The following GALC variants were observed in gnomAD, a reference collection of about 807,000 sequenced individuals.
GALC encodes the protein galactosylceramidase.
In GALC, 77 loss-of-function variants were observed where a neutral mutation model predicts 91.8. The observed-to-expected ratio is 0.84, with a 90% confidence interval of 0.70 to 1.01. The LOEUF (loss-of-function observed/expected upper bound fraction) is 1.01, where lower values mean the gene tolerates loss of function less well. Among genes scored for constraint, GALC ranks in the 50% least tolerant of loss-of-function variants. GALC has a pLI of 0.00. For synonymous variants in GALC, 357 were observed against 306.7 expected (o/e 1.16, Z -1.71); for missense variants, 882 against 855.9 (o/e 1.03, Z -0.38).
intron 1 of GALC, among the ~76,000 whole-genome samples, chr14:87,990,486 C>T (rs1199047972): frequency 6.6e-6 from 1 of 152,164 alleles, no homozygotes. Flanking sequence ...GTTATATACA[C>T]AAATTTTTTA....
intron 10 of GALC, 98 bp downstream of exon 10, chr14:87,963,286 T>G: frequency 7.8e-7 from 1 of 1,285,240 alleles, no homozygotes. Flanking sequence ...GTCTGTATGC[T>G]TATGTATTTA....
At chr14:87,967,291 G>A (rs1009892432) in intron 8 of GALC, among the ~76,000 whole-genome samples, 2 of 152,120 alleles carry the variant, frequency 1.3e-5, no homozygotes, top group African/African-American at 4.8e-5. Flanking sequence ...AAATGTTTAG[G>A]ATGGTTAGCT....
chr14:87,986,597 T>C lies in GALC; in HGVS notation c.334A>G (p.Thr112Ala), dbSNP rs147313927. 6,082 of 1,608,454 alleles carry C rather than the reference T, an allele frequency of 3.8e-3. 23 individuals carry two copies. The highest frequency in any genetic ancestry group is 4.6e-3 in the Non-Finnish European group (5,457 of 1,174,944). ...GCATAATGCATGTGGGAGGGCTCAGTGCCGTCTGAATAGAGGAGAGCAAAA... is the reference window on the plus strand; with the variant it reads ...GCATAATGCATGTGGGAGGGCTCAGCGCCGTCTGAATAGAGGAGAGCAAAA... Reference protein sequence around the residue: ...IGGDGQTTDGTEPSHMHYALD... With the variant: ...IGGDGQTTDGAEPSHMHYALD... Residue 112 changes from threonine (T) to alanine (A), a missense_variant, in exon 4 of 17, where the codon ACT (threonine) becomes GCT (alanine). Thr to Ala is a moderately conservative substitution (Grantham distance 58, BLOSUM62 0). Coordinates refer to ENST00000261304, the MANE Select transcript of GALC (RefSeq NM_000153.4).
intron 8 of GALC, among the ~76,000 whole-genome samples, chr14:87,967,677 A>ATT (rs1886112197): frequency 6.6e-6 from 1 of 152,196 alleles, no homozygotes; most frequent in African/African-American, 2.4e-5. Flanking sequence ...ACACATATCA[A>ATT]GTGATGCCAT....
At chr14:87,950,584 A>T in intron 11 of GALC, 75 bp downstream of exon 11, 1 of 916,448 alleles carries the variant, frequency 1.1e-6, no homozygotes, top group Non-Finnish European at 1.8e-6. Flanking sequence ...GGCTTCACTT[A>T]AGAACTACTG....
chr14:87,949,379 G>C (rs1303374365), intron 12 of GALC, among the ~76,000 whole-genome samples: 1 of 151,892 alleles, frequency 6.6e-6, no homozygotes, highest in Non-Finnish European at 1.5e-5. Context: ...TAATCACTGA[G>C]GTCCTCTGAG....
intron 8 of GALC, among the ~76,000 whole-genome samples, chr14:87,966,539 CTTCTAA>C (rs1279251610): frequency 6.6e-6 from 1 of 152,144 alleles, no homozygotes; most frequent in Admixed American, 6.6e-5. Context: ...AAATCAAAGC[CTTCTAA>C]TTCTATCAGT....
intron 2 of GALC, 68 bp downstream of exon 2, chr14:87,988,387 T>G: frequency 7.8e-7 from 1 of 1,284,260 alleles, no homozygotes; most frequent in Non-Finnish European, 1.1e-6. Flanking sequence ...TAATAAATTC[T>G]ATGGTGAAAT....
At chr14:87,936,932 A>G (rs1022678348) in intron 16 of GALC, among the ~76,000 whole-genome samples, 14 of 139,402 alleles carry the variant, frequency 1.0e-4, no homozygotes, top group African/African-American at 3.9e-4. Flanking sequence ...TTTCTCATTG[A>G]ATCTTCATAA....
chr14:87,948,399 C>A (rs1885162836), intron 12 of GALC, among the ~76,000 whole-genome samples: 1 of 151,992 alleles, frequency 6.6e-6, no homozygotes, highest in Non-Finnish European at 1.5e-5. Flanking sequence ...ATCTTGGCAA[C>A]TTAATCTCTT....
chr14:87,966,395 G>A (rs954951294), intron 8 of GALC, among the ~76,000 whole-genome samples: 3 of 151,934 alleles, frequency 2.0e-5, no homozygotes, highest in African/African-American at 7.3e-5. Context: ...GAAATCCAAG[G>A]ACAAAAGGGA....
At chr14:87,941,312 T>A in intron 15 of GALC, 83 bp downstream of exon 15, 1 of 885,234 alleles carries the variant, frequency 1.1e-6, no homozygotes, top group East Asian at 2.4e-5. Flanking sequence ...ATTCTTTTTA[T>A]CACTCCCACA....
Position 87,988,630 on chromosome 14 carries a change from A to G in GALC, c.196-107T>C, listed in dbSNP as rs148831638. 679 of 857,708 alleles carry G rather than the reference A, an allele frequency of 7.9e-4. 5 individuals are homozygous for G. In the African/African-American group the frequency reaches 0.01, roughly 13 times the overall value. 53.1% of individuals were successfully genotyped at this position (857,708 alleles called of 1,614,324 possible). A position where few individuals can be genotyped will look rare whatever the true frequency, so the allele number is the denominator to read the frequency against. Reference sequence around the variant, plus strand: ...GGTATACACATATTTAGCCTCAGGCAAGGTCAGGCTGAGGAAAAGTTCCTC... The same window carrying G: ...GGTATACACATATTTAGCCTCAGGCGAGGTCAGGCTGAGGAAAAGTTCCTC... On this transcript the variant is annotated intron_variant, in intron 1 of 16. Transcript: ENST00000261304.
chr14:87,992,948 A>G, intron 1 of GALC, 22 bp downstream of exon 1: 1 of 1,505,630 alleles, frequency 6.6e-7, no homozygotes, highest in East Asian at 2.7e-5. Flanking sequence ...CCCCCCGCGT[A>G]TCCCCGCAGC....
chr14:87,942,344 G>A (rs1884898628), intron 14 of GALC, among the ~76,000 whole-genome samples: 1 of 151,920 alleles, frequency 6.6e-6, no homozygotes, highest in Admixed American at 6.6e-5. Context: ...CTGGTTCTAG[G>A]CTCACTGATC....
intron 12 of GALC, among the ~76,000 whole-genome samples, 155 bp downstream of exon 12, chr14:87,949,690 C>T (rs145541571): frequency 2.0e-5 from 3 of 151,996 alleles, no homozygotes; most frequent in Non-Finnish European, 2.9e-5. Context: ...GATGGCGTCA[C>T]CATCCACCAA....
In GALC at chr14:87,947,773, T is replaced by C. The variant is rs896127104; in HGVS notation, c.1444A>G (p.Lys482Glu). The C allele has an allele frequency of 1.2e-6, 2 of 1,612,972 alleles. No individual in the cohort carries two copies. The highest frequency in any genetic ancestry group is 2.2e-5 in the East Asian group (1 of 44,826). Residue 482 changes from lysine to glutamate, a missense_variant, in exon 13 of 17, where the codon AAA becomes GAA. Transcript: ENST00000261304. ...TAGGTACTTGGGAAGGGCTGGGATT[T>C]TGGAGGAAGCGGGTAGCTGCCTTTG... ...GRKGSYPLPP[K>E]SQPFPSTYKD... is the part of the protein sequence containing the mutation.
chr14:87,973,026 T>A (rs1378879941), intron 7 of GALC, among the ~76,000 whole-genome samples: 1 of 69,300 alleles, frequency 1.4e-5, no homozygotes, highest in Non-Finnish European at 2.8e-5. Flanking sequence ...AAAGGAATTG[T>A]GTCGTTACTT....
chr14:87,936,621 C>T (rs1163075497), intron 16 of GALC, among the ~76,000 whole-genome samples: 1 of 151,802 alleles, frequency 6.6e-6, no homozygotes, highest in Admixed American at 6.6e-5. Flanking sequence ...TCGTTCGCTG[C>T]TGTATCCCTA....
Sources: gnomAD v4.1 joint callset for allele counts (sites outside exome capture counted in the v4.1 genomes callset) on GRCh38, gnomAD v4.1.1 for gene constraint, MANE v1.5 for transcripts, NCBI Gene and HGNC (gene_info 2026-07-23, HGNC 2026-07-21) for gene names.